Variants in MAP3K20 observed in about 807,000 individuals in gnomAD.
The protein encoded by MAP3K20 is HCCS-4.
A neutral mutation model predicts 85.7 loss-of-function variants in MAP3K20; 40 were observed. The ratio of observed to expected loss-of-function variants is 0.47; its 90% CI spans 0.36 to 0.61. The LOEUF (loss-of-function observed/expected upper bound fraction) is 0.61, where lower values mean the gene tolerates loss of function less well. MAP3K20 is among the 20% of genes least tolerant of loss of function. MAP3K20 has a pLI of 0.00. For missense variants in MAP3K20, 817 were observed against 961.7 expected (o/e 0.85, Z 1.99); for synonymous variants, 325 against 327.7 (o/e 0.99, Z 0.09).
At chr2:173,190,611 T>C (rs1054301370) in intron 5 of MAP3K20, among the ~76,000 whole-genome samples, 1 of 152,162 alleles carries the variant, frequency 6.6e-6, no homozygotes, top group Non-Finnish European at 1.5e-5. Flanking sequence ...AGGTAAAAAT[T>C]TGGTTCTCCT....
chr2:173,172,330 GTT>G (rs11384409), intron 3 of MAP3K20, among the ~76,000 whole-genome samples: 3,627 of 149,192 alleles, frequency 0.024, 70 homozygotes, highest in South Asian at 0.048. Context: ...ATTTGAGGTA[GTT>G]TTTTTTTTTT....
chr2:173,256,526 T>TAGACAGACAGAC (rs1210473187), intron 16 of MAP3K20, among the ~76,000 whole-genome samples: 3 of 101,436 alleles, frequency 3.0e-5, no homozygotes, highest in East Asian at 2.3e-4. Flanking sequence ...GATAGATAGA[T>TAGACAGACAGAC]AGATAGACAG....
intron 16 of MAP3K20, among the ~76,000 whole-genome samples, chr2:173,245,419 G>A (rs991071105): frequency 3.3e-5 from 5 of 152,122 alleles, no homozygotes; most frequent in Non-Finnish European, 5.9e-5. Context: ...AGTCTTCACA[G>A]CCACATCCCT....
chr2:173,184,167 G>C (rs943799852), intron 4 of MAP3K20, among the ~76,000 whole-genome samples: 5 of 151,940 alleles, frequency 3.3e-5, no homozygotes, highest in African/African-American at 9.7e-5. Context: ...TGACTTCTCT[G>C]TATGTCAGTA....
chr2:173,261,752 C>G (rs1448871075), intron 18 of MAP3K20, among the ~76,000 whole-genome samples: 2 of 152,176 alleles, frequency 1.3e-5, no homozygotes, highest in Admixed American at 1.3e-4. Flanking sequence ...CGCAGTGGCT[C>G]ACACCTGTAA....
intron 16 of MAP3K20, among the ~76,000 whole-genome samples, chr2:173,244,126 G>A (rs943717844): frequency 5.3e-5 from 8 of 152,190 alleles, no homozygotes; most frequent in Non-Finnish European, 1.0e-4. Flanking sequence ...AGCTGGAGAC[G>A]CAGCAAGTGG....
intron 2 of MAP3K20, among the ~76,000 whole-genome samples, chr2:173,100,081 A>G (rs1430172023): frequency 6.6e-6 from 1 of 152,226 alleles, no homozygotes; most frequent in Non-Finnish European, 1.5e-5. Context: ...GATGCCACAT[A>G]TACAGTTAGC....
Position 173,097,886 on chromosome 2 carries a change from T to A in MAP3K20, c.159+6696T>A, listed in dbSNP as rs115971817. ...AAAAGCTTTTATTATACTCAGTTAA[T>A]CAATATGATATCGTTTAGTGATTTA... On this transcript the variant is annotated intron_variant, in intron 2 of 19. Coordinates refer to ENST00000375213, the MANE Select transcript of MAP3K20 (RefSeq NM_016653.3). Among the ~76,000 whole-genome samples, 1,342 of 152,338 alleles carry A rather than the reference T, an allele frequency of 8.8e-3. 18 individuals are homozygous for A. The highest frequency in any genetic ancestry group is 0.031 in the African/African-American group (1,281 of 41,574).
intron 4 of MAP3K20, among the ~76,000 whole-genome samples, chr2:173,185,251 A>C (rs1690453440): frequency 6.6e-6 from 1 of 152,170 alleles, no homozygotes; most frequent in Admixed American, 6.5e-5. Context: ...AAAAAAATAA[A>C]AAAAGGGAAG....
chr2:173,247,968 TAAG>T (rs1449418790), intron 16 of MAP3K20, among the ~76,000 whole-genome samples: 1 of 152,164 alleles, frequency 6.6e-6, no homozygotes, highest in Non-Finnish European at 1.5e-5. Flanking sequence ...TGCAGTGTTT[TAAG>T]AAGGGTGACA....
chr2:173,089,340 G>A (rs991724255), intron 1 of MAP3K20, among the ~76,000 whole-genome samples: 4 of 152,058 alleles, frequency 2.6e-5, no homozygotes. Context: ...GGGGGACAGG[G>A]ATGAGGACTG....
chr2:173,223,352 C>A (rs1171028728), intron 11 of MAP3K20: 5 of 869,742 alleles, frequency 5.7e-6, no homozygotes, highest in Non-Finnish European at 5.5e-6. Flanking sequence ...ATAACAGTAC[C>A]TACTTGAAAG....
chr2:173,238,877 T>C (rs556583183), intron 15 of MAP3K20, among the ~76,000 whole-genome samples: 1 of 152,356 alleles, frequency 6.6e-6, no homozygotes, highest in South Asian at 2.1e-4. Context: ...GAATATGGCA[T>C]ACTTTGTTTA....
At chr2:173,131,593 C>CT (rs1259251822) in intron 2 of MAP3K20, among the ~76,000 whole-genome samples, 2 of 152,110 alleles carry the variant, frequency 1.3e-5, no homozygotes, top group African/African-American at 4.8e-5. Context: ...AGGCAGGGTT[C>CT]TTTATTTCAG....
chr2:173,172,741 A>C (rs1690035257), intron 3 of MAP3K20, among the ~76,000 whole-genome samples: 1 of 152,156 alleles, frequency 6.6e-6, no homozygotes, highest in African/African-American at 2.4e-5. Flanking sequence ...ATGGGGTGAC[A>C]AGAAACTCAG....
chr2:173,246,560 A>G (rs1339434699), intron 16 of MAP3K20, among the ~76,000 whole-genome samples: 1 of 152,176 alleles, frequency 6.6e-6, no homozygotes, highest in African/African-American at 2.4e-5. Context: ...GAGATAAACT[A>G]TCAAATCACC....
At chr2:173,203,682 T>C in intron 8 of MAP3K20, 114 bp from the exon 9 acceptor site, 1 of 783,848 alleles carries the variant, frequency 1.3e-6, no homozygotes, top group Non-Finnish European at 2.1e-6. Context: ...GCTTTAAATT[T>C]CATGCCTTAT....
intron 4 of MAP3K20, among the ~76,000 whole-genome samples, chr2:173,186,689 T>A (rs1377634267): frequency 6.6e-6 from 1 of 152,166 alleles, no homozygotes; most frequent in Non-Finnish European, 1.5e-5. Flanking sequence ...ATTTCTGCCA[T>A]TAGTTAGAAA....
rs547208660 is a variant in MAP3K20, at chr2:173,124,966, G to A, written c.159+33776G>A. Among the ~76,000 whole-genome samples the A allele has an allele frequency of 1.2e-3, 188 of 152,158 alleles. 3 individuals are homozygous for A. Among genetic ancestry groups the A allele is most frequent in the African/African-American group, 4.4e-3 (181 of 41,506 alleles). On this transcript the variant is annotated intron_variant, in intron 2 of 19. Coordinates refer to ENST00000375213, the MANE Select transcript of MAP3K20 (RefSeq NM_016653.3). Reference sequence around the variant, plus strand: ...TTGCACCATTGCACTCCAGCCTGGGGGACAGTGAGACCCTGTCTCTAAAGA... The same window carrying A: ...TTGCACCATTGCACTCCAGCCTGGGAGACAGTGAGACCCTGTCTCTAAAGA...
Sources: allele counts gnomAD v4.1 joint callset (sites outside exome capture counted in the v4.1 genomes callset), GRCh38; gene constraint gnomAD v4.1.1; transcripts MANE v1.5; gene names NCBI Gene and HGNC (gene_info 2026-07-23, HGNC 2026-07-21).